CDH19: variants seen among roughly 807,000 people sequenced by gnomAD.
CDH19 encodes cadherin-19.
Under a neutral mutation model 64.2 loss-of-function variants are expected in CDH19, and 67 were observed. The observed-to-expected ratio is 1.04, with a 90% CI of 0.86 to 1.28. The LOEUF (loss-of-function observed/expected upper bound fraction) is 1.28, where lower values mean the gene tolerates loss of function less well. Among genes scored for constraint, CDH19 ranks in the 50% most tolerant of loss-of-function variants. The pLI is 0.00. For missense variants in CDH19, 1,030 were observed against 929.0 expected, an observed-to-expected ratio of 1.11 and a Z score of -1.41; for synonymous variants, 346 against 319.3, an observed-to-expected ratio of 1.08 and a Z score of -0.89.
intron 1 of CDH19, among the ~76,000 whole-genome samples, chr18:66,597,834 T>C (rs1988941504): frequency 6.6e-6 from 1 of 151,934 alleles, no homozygotes; most frequent in African/African-American, 2.4e-5. Flanking sequence ...AACAAGCCTA[T>C]TAAAAAATGA....
At chr18:66,555,920 T>C (rs1300973576) in intron 3 of CDH19, among the ~76,000 whole-genome samples, 2 of 151,740 alleles carry the variant, frequency 1.3e-5, no homozygotes, top group African/African-American at 2.4e-5. Context: ...ATTTCCTATC[T>C]TTGGCTTCAG....
chr18:66,519,596 T>C (rs925898797), intron 9 of CDH19, among the ~76,000 whole-genome samples: 6 of 152,158 alleles, frequency 3.9e-5, no homozygotes, highest in African/African-American at 1.2e-4. Context: ...TTCCTATACA[T>C]GTGATTTTTA....
intron 9 of CDH19, among the ~76,000 whole-genome samples, chr18:66,529,370 A>T (rs938970562): frequency 3.3e-5 from 5 of 151,390 alleles, no homozygotes; most frequent in South Asian, 2.1e-4. Flanking sequence ...TATAGAATTA[A>T]TTTTTTTAAT....
At position 66,550,741 on chromosome 18, in the gene CDH19, T is replaced by C. The variant is rs563743665; in HGVS notation, c.775+353A>G. On this transcript the variant is annotated intron_variant, in intron 5 of 11. Transcript: ENST00000262150. ...ATCAATAAAACAGAGACCTTAACTC[T>C]ATATACATGTAAACTGAATTCTGCT... Among the ~76,000 whole-genome samples the C allele has an allele frequency of 1.5e-4, 23 of 152,212 alleles. 1 individual carries two copies. In the South Asian group the frequency reaches 4.1e-3, roughly 27 times the overall value.
intron 1 of CDH19, among the ~76,000 whole-genome samples, chr18:66,600,169 G>A (rs1273590623): frequency 2.0e-5 from 3 of 151,796 alleles, no homozygotes; most frequent in African/African-American, 7.2e-5. Flanking sequence ...ATAAATAAAT[G>A]TGACTTTATT....
At chr18:66,600,741 A>G (rs1989017694) in intron 1 of CDH19, among the ~76,000 whole-genome samples, 1 of 151,884 alleles carries the variant, frequency 6.6e-6, no homozygotes, top group Non-Finnish European at 1.5e-5. Context: ...AGGTACACAT[A>G]TGTGTGTGAA....
rs144437381 is a variant in CDH19, at chr18:66,518,981, G to A, written c.1459-7296C>T. On this transcript the variant is annotated intron_variant, in intron 9 of 11. Transcript: ENST00000262150. ...AGCTAAACCAATGGTTACATCTTAT[G>A]TACCTGTAGTACATTATTAATATCA... is the stretch of plus-strand genomic sequence containing the variant. Among the ~76,000 whole-genome samples, 156 of 152,170 alleles carry A rather than the reference G, an allele frequency of 1.0e-3. No individual in the cohort carries two copies. The East Asian group carries it at 0.018, about 18-fold the overall frequency.
chr18:66,557,079 A>G (rs1987545852), intron 3 of CDH19, among the ~76,000 whole-genome samples: 1 of 151,964 alleles, frequency 6.6e-6, no homozygotes, highest in Non-Finnish European at 1.5e-5. Context: ...ATTTAAAGAA[A>G]ATGAAATACA....
chr18:66,506,189 A>AAG (rs1441500327), intron 11 of CDH19, among the ~76,000 whole-genome samples: 2 of 152,016 alleles, frequency 1.3e-5, no homozygotes, highest in Non-Finnish European at 2.9e-5. Flanking sequence ...AGTGGGGCTG[A>AAG]AGAGAGGTTA....
intron 3 of CDH19, among the ~76,000 whole-genome samples, chr18:66,559,241 A>C: frequency 6.6e-6 from 1 of 152,030 alleles, no homozygotes; most frequent in Non-Finnish European, 1.5e-5. Context: ...TAAAAAAAAC[A>C]AAGTACATCT....
chr18:66,505,100 C>T lies in CDH19; in HGVS notation c.2031G>A (p.Glu677=), dbSNP rs1224027654. 1 of 1,613,650 alleles carries T rather than the reference C, an allele frequency of 6.2e-7. No homozygotes were observed. Among genetic ancestry groups the T allele is most frequent in the Non-Finnish European group, 8.5e-7 (1 of 1,179,760 alleles). Reference sequence around the variant, plus strand: ...AAGACTGCCTGTATAGGCTCCTGATCTCAGCGCTTGTGGTTTTCCGAGTCT... The same window carrying T: ...AAGACTGCCTGTATAGGCTCCTGATTTCAGCGCTTGTGGTTTTCCGAGTCT... The part of the protein sequence containing the change: ...ERKTRKTTSA[E]IRSLYRQSLQ... Residue 677 remains glutamate, a synonymous_variant, in exon 12 of 12, where the codon GAG becomes GAA. Transcript: ENST00000262150.
rs1170341190 is a variant in CDH19 at position 66,549,631 on chromosome 18, A to ATTT, written c.775+1460_775+1462dup. ...TTTCTCAACCCATATAACAGTGGTA[A>ATTT]TTTTTTAATATGACAAAATTTAAAA... On this transcript the variant is annotated intron_variant, in intron 5 of 11. Transcript: ENST00000262150. Among the ~76,000 whole-genome samples the ATTT allele has an allele frequency of 2.0e-5, 3 of 152,148 alleles. No individual in the cohort carries two copies. In the East Asian group the frequency reaches 5.8e-4, roughly 29 times the overall value.
intron 7 of CDH19, among the ~76,000 whole-genome samples, chr18:66,535,402 G>A (rs977905756): frequency 1.3e-5 from 2 of 151,228 alleles, no homozygotes; most frequent in Admixed American, 6.6e-5. Flanking sequence ...CAGCCTAGAC[G>A]AGTATTGATC....
At chr18:66,533,987 A>T (rs1986556920) in intron 8 of CDH19, among the ~76,000 whole-genome samples, 1 of 152,054 alleles carries the variant, frequency 6.6e-6, no homozygotes. Context: ...AAATAGATCT[A>T]AAATGGGCTT....
At chr18:66,601,041 T>G (rs539311035) in intron 1 of CDH19, among the ~76,000 whole-genome samples, 2 of 152,012 alleles carry the variant, frequency 1.3e-5, no homozygotes, top group East Asian at 3.9e-4. Flanking sequence ...AAGAAGTATT[T>G]GCTTAGTGAC....
chr18:66,597,434 T>C (rs9951438), intron 1 of CDH19, among the ~76,000 whole-genome samples: 22,022 of 151,984 alleles, frequency 0.14, 1,719 homozygotes, highest in East Asian at 0.26. Flanking sequence ...ACCCCTTCCT[T>C]CCACCATATA....
chr18:66,548,085 ATATAT>A (rs767525602), intron 5 of CDH19, among the ~76,000 whole-genome samples: 1 of 146,806 alleles, frequency 6.8e-6, no homozygotes, highest in Non-Finnish European at 1.5e-5. Flanking sequence ...TTATATATAA[ATATAT>A]TATATATTTG....
intron 1 of CDH19, among the ~76,000 whole-genome samples, chr18:66,585,497 T>G (rs570151171): frequency 6.6e-6 from 1 of 152,164 alleles, no homozygotes; most frequent in South Asian, 2.1e-4. Flanking sequence ...ATGTGAAAAT[T>G]GAGGATAATT....
rs976374423 is a variant in CDH19 at position 66,501,252 on chromosome 18, T to A, written c.*3560A>T. On this transcript the variant is annotated 3_prime_UTR_variant, in exon 12 of 12. Transcript: ENST00000262150. Reference sequence around the variant, plus strand: ...GCTAGAAACATTTTTTATACGATGATAAATGAACAAGACTGACAATTTCTT... The same window carrying A: ...GCTAGAAACATTTTTTATACGATGAAAAATGAACAAGACTGACAATTTCTT... 6.6e-6 allele frequency: 1 copy of A among 152,146 alleles called. No homozygotes were observed. The highest frequency in any genetic ancestry group is 1.5e-5 in the Non-Finnish European group (1 of 68,026). 9.4% of individuals were successfully genotyped at this position (152,146 alleles called of 1,614,324 possible).
Sources: gnomAD v4.1 joint callset for allele counts (sites outside exome capture counted in the v4.1 genomes callset) on GRCh38, gnomAD v4.1.1 for gene constraint, MANE v1.5 for transcripts, NCBI Gene and HGNC (gene_info 2026-07-23, HGNC 2026-07-21) for gene names.